Variants in TSKS observed in about 807,000 individuals in gnomAD.
The protein encoded by TSKS is testis-specific serine kinase substrate.
A neutral mutation model predicts 68.0 loss-of-function variants in TSKS; 27 were observed. That is an observed-to-expected ratio of 0.40 (90% CI 0.29 to 0.55). The LOEUF is 0.55. Ranked by LOEUF, TSKS falls within the 20% of genes least tolerant of loss-of-function variation. TSKS has a pLI of 0.53. For missense variants in TSKS, 806 were observed against 776.0 expected (o/e 1.04, Z -0.46); for synonymous variants, 331 against 340.4 (o/e 0.97, Z 0.30).
At chr19:49,744,167 T>G (rs529417689) in intron 8 of TSKS, 64 bp downstream of exon 8, 1 of 1,540,596 alleles carries the variant, frequency 6.5e-7, no homozygotes, top group South Asian at 1.2e-5. Context: ...ATGTCCCATC[T>G]CCTTCCGCAT....
rs73590445 is a variant in TSKS, at chr19:49,762,757, C to T, written c.170+321G>A. On this transcript the variant is annotated intron_variant, in intron 1 of 10. Transcript: ENST00000246801. Reference sequence around the variant, plus strand: ...TGTCTACTTTCTTCTTCTCCTTCCCCGCTGCCTACTTTCTCCTCCCTTCTC... The same window carrying T: ...TGTCTACTTTCTTCTTCTCCTTCCCTGCTGCCTACTTTCTCCTCCCTTCTC... Among the ~76,000 whole-genome samples, 881 of 152,042 alleles carry T rather than the reference C, an allele frequency of 5.8e-3. 7 individuals carry two copies. The highest frequency in any genetic ancestry group is 0.02 in the African/African-American group (833 of 41,474).
intron 8 of TSKS, 87 bp downstream of exon 8, chr19:49,744,144 C>T: frequency 2.1e-6 from 3 of 1,423,394 alleles, no homozygotes; most frequent in Non-Finnish European, 1.9e-6. Flanking sequence ...GAACAGCGCC[C>T]CACCCTTCAC....
At position 49,747,836 on chromosome 19, in the gene TSKS, G is replaced by A. The variant is rs1568562848; in HGVS notation, c.579+249C>T. ...CAATTCTTCTGCCTCAGCCTCCCAA[G>A]TAGCTGAGATTACAGGCGCCCGCCA... On this transcript the variant is annotated intron_variant, in intron 4 of 10. Transcript: ENST00000246801. Among the ~76,000 whole-genome samples, 3 of 152,134 alleles carry A rather than the reference G, an allele frequency of 2.0e-5. No homozygotes were observed. In the South Asian group the frequency reaches 6.2e-4, roughly 32 times the overall value.
At chr19:49,761,691 C>T (rs977013119) in intron 2 of TSKS, among the ~76,000 whole-genome samples, 5 of 151,950 alleles carry the variant, frequency 3.3e-5, no homozygotes, top group Admixed American at 2.0e-4. Context: ...AGGCCAGGCA[C>T]GGGGGCTCTC....
intron 8 of TSKS, among the ~76,000 whole-genome samples, chr19:49,743,113 C>G (rs1314741261): frequency 6.6e-6 from 1 of 150,560 alleles, no homozygotes; most frequent in African/African-American, 2.5e-5. Flanking sequence ...TGGAGTCTTG[C>G]TGTCGCCCAG....
rs968579068 is a variant in TSKS, at chr19:49,763,041, C to A, written c.170+37G>T. 1.3e-6 allele frequency: 2 copies of A among 1,593,484 alleles called. No individual in the cohort carries two copies. Among genetic ancestry groups the A allele is most frequent in the African/African-American group, 2.7e-5 (2 of 73,986 alleles). ...CTGCTCTGTTGGAGGTAGTGCTGGG[C>A]ATTAGAACCATCCCTGACAGTGTGC... On this transcript the variant is annotated intron_variant, in intron 1 of 10. Coordinates refer to ENST00000246801, the MANE Select transcript of TSKS (RefSeq NM_021733.2). The surrounding 1 kb of genome is among the most constrained non-coding windows in gnomAD (Gnocchi z 4.5).
chr19:49,759,120 G>C (rs2084418024), intron 2 of TSKS, among the ~76,000 whole-genome samples: 1 of 151,780 alleles, frequency 6.6e-6, no homozygotes, highest in South Asian at 2.1e-4. Flanking sequence ...GCCTCCCAAA[G>C]TGCTGGGATT....
intron 2 of TSKS, among the ~76,000 whole-genome samples, chr19:49,758,796 C>T (rs1338298904): frequency 6.6e-6 from 1 of 152,142 alleles, no homozygotes; most frequent in Non-Finnish European, 1.5e-5. Context: ...CTTGGTCCTG[C>T]TTCTTACAAC....
Position 49,758,722 on chromosome 19 carries a change from C to T in TSKS, c.399+3282G>A, listed in dbSNP as rs1310710781. Among the ~76,000 whole-genome samples the T allele has an allele frequency of 2.6e-5, 4 of 152,286 alleles. No individual in the cohort carries two copies. In the East Asian group the frequency reaches 5.8e-4, roughly 22 times the overall value. Reference sequence around the variant, plus strand: ...TCCCCTCCAAACATCCCCCACTCAGCCCAAGGGAGTCTTGGGGAGAGAAAG... The same window carrying T: ...TCCCCTCCAAACATCCCCCACTCAGTCCAAGGGAGTCTTGGGGAGAGAAAG... On this transcript the variant is annotated intron_variant, in intron 2 of 10. Transcript: ENST00000246801.
At chr19:49,744,194 T>G (rs749620194) in intron 8 of TSKS, 37 bp downstream of exon 8, 1 of 1,599,258 alleles carries the variant, frequency 6.3e-7, no homozygotes, top group South Asian at 1.1e-5. Context: ...TAATGTCCTA[T>G]CCACAAGGCT....
intron 2 of TSKS, among the ~76,000 whole-genome samples, chr19:49,748,985 C>T (rs1600192593): frequency 6.6e-6 from 1 of 152,012 alleles, no homozygotes; most frequent in African/African-American, 2.4e-5. Context: ...ATTGCTTGAA[C>T]CTGGGAAGCA....
chr19:49,757,541 T>C (rs979638371), intron 2 of TSKS, among the ~76,000 whole-genome samples: 2 of 152,218 alleles, frequency 1.3e-5, no homozygotes, highest in Admixed American at 6.5e-5. Flanking sequence ...ACTAGCCGTA[T>C]GACCTCATGG....
chr19:49,759,104 G>A (rs540396589), intron 2 of TSKS, among the ~76,000 whole-genome samples: 65 of 152,006 alleles, frequency 4.3e-4, no homozygotes, highest in African/African-American at 1.4e-3. Context: ...TGATCTGCCT[G>A]CCTCAGCCTC....
Position 49,763,244 on chromosome 19 carries a change from C to A in TSKS, c.4G>T (p.Ala2Ser). The A allele has an allele frequency of 6.7e-7, 1 of 1,495,438 alleles. No homozygotes were observed. Among genetic ancestry groups the A allele is most frequent in the Non-Finnish European group, 8.9e-7 (1 of 1,123,502 alleles). 92.6% of individuals were successfully genotyped at this position (1,495,438 alleles called of 1,614,324 possible). Reference protein sequence around the residue: MASVVVKTIWQS... With the variant: MSSVVVKTIWQS... ...CAGATCGTCTTCACCACCACGCTCG[C>A]CATGGTGTGGGGGTCTGGCTCCCAG... The change falls in exon 1 of 11, where the codon GCG (alanine) becomes TCG (serine). Residue 2 changes from alanine to serine, a missense_variant. Transcript: ENST00000246801. The surrounding 1 kb of genome is among the most constrained non-coding windows in gnomAD (Gnocchi z 4.5).
intron 5 of TSKS, 92 bp downstream of exon 5, chr19:49,747,297 C>T: frequency 3.7e-6 from 6 of 1,605,200 alleles, no homozygotes; most frequent in Admixed American, 3.4e-5. Flanking sequence ...GTGGTGGTGT[C>T]GGGGCAGGGA....
Position 49,760,330 on chromosome 19 carries a change from A to T in TSKS, c.399+1674T>A, listed in dbSNP as rs575394310. Among the ~76,000 whole-genome samples the T allele has an allele frequency of 6.7e-5, 10 of 148,730 alleles. No individual in the cohort carries two copies. In the East Asian group the frequency reaches 9.9e-4, roughly 15 times the overall value. ...TACAAAAATTATTATTATTGTTATT[A>T]TTTTTTTTTTGACAGACTCTCGCTG... On this transcript the variant is annotated intron_variant, in intron 2 of 10. Transcript: ENST00000246801.
chr19:49,747,556 C>T, intron 4 of TSKS, 84 bp from the exon 5 acceptor site: 2 of 1,361,570 alleles, frequency 1.5e-6, no homozygotes, highest in African/African-American at 1.4e-5. Flanking sequence ...TCCATCCAGG[C>T]TCCAGGCCTC....
intron 2 of TSKS, among the ~76,000 whole-genome samples, chr19:49,756,662 T>C (rs2084395023): frequency 6.6e-6 from 1 of 152,142 alleles, no homozygotes; most frequent in Non-Finnish European, 1.5e-5. Flanking sequence ...CAAAATGTGA[T>C]AGTTTAAAAT....
chr19:49,748,128 C>T lies in TSKS; in HGVS notation c.536G>A (p.Arg179Gln), dbSNP rs548410376. The change falls in exon 4 of 11, where the codon CGG becomes CAG. Residue 179 changes from arginine (R) to glutamine (Q), a missense_variant. Coordinates refer to ENST00000246801, the MANE Select transcript of TSKS (RefSeq NM_021733.2). ...CCCCTCCAACTCTTCTGCCTCTTGC[C>T]GCCTTCTCTCCAGATTCTCGCTCAG... is the stretch of plus-strand genomic sequence containing the variant. ...SVLSENLERR[R>Q]QEAEELEGYC... The T allele has an allele frequency of 1.1e-5, 18 of 1,614,174 alleles. No individual in the cohort carries two copies. Among genetic ancestry groups the T allele is most frequent in the Middle Eastern group, 3.3e-4 (2 of 6,062 alleles).
Sources: gnomAD v4.1 joint callset for allele counts (sites outside exome capture counted in the v4.1 genomes callset) on GRCh38, gnomAD v4.1.1 for gene constraint, Gnocchi (gnomAD v3.1) non-coding constraint, MANE v1.5 for transcripts, NCBI Gene and HGNC (gene_info 2026-07-23, HGNC 2026-07-21) for gene names.